Variants in AGO2 observed in about 807,000 individuals in gnomAD.
The protein encoded by AGO2 is argonaute RISC catalytic component 2.
Under a neutral mutation model 102.3 loss-of-function variants are expected in AGO2, and 5 were observed. The observed-to-expected ratio is 0.05, with a 90% CI of 0.03 to 0.10. The LOEUF (loss-of-function observed/expected upper bound fraction) is 0.10. Ranked by LOEUF, AGO2 falls within the 10% of genes least tolerant of loss-of-function variation. The probability of loss-of-function intolerance (pLI) is 1.00; values close to 1 mark genes in which losing one functional copy is unlikely to be tolerated. For missense variants in AGO2, 541 were observed against 1,183.7 expected (o/e 0.46, Z 7.97); for synonymous variants, 449 against 473.1 (o/e 0.95, Z 0.66).
At chr8:140,639,548 T>C (rs1308787672), upstream of AGO2, among the ~76,000 whole-genome samples, 4 of 145,088 alleles carry the variant, frequency 2.8e-5, no homozygotes, top group African/African-American at 1.0e-4. Flanking sequence ...CTTTGGGAGG[T>C]CAAGGTGAGA....
At chr8:140,612,957 T>TG (rs1039214096) in intron 1 of AGO2, among the ~76,000 whole-genome samples, 6 of 151,978 alleles carry the variant, frequency 3.9e-5, no homozygotes, top group African/African-American at 1.4e-4. Flanking sequence ...CCCAGCACTT[T>TG]GGGAGGCCGA....
chr8:140,544,859 T>C (rs1430126152), intron 13 of AGO2, among the ~76,000 whole-genome samples: 1 of 152,082 alleles, frequency 6.6e-6, no homozygotes, highest in Non-Finnish European at 1.5e-5. Flanking sequence ...AGACCCTGAG[T>C]ATATCCCAGT....
At position 140,549,124 on chromosome 8, in the gene AGO2, C is replaced by T. The variant is rs754262667; in HGVS notation, c.1578G>A (p.Thr526=). 6.2e-6 allele frequency: 10 copies of T among 1,608,300 alleles called. No homozygotes were observed. Among genetic ancestry groups the T allele is most frequent in the South Asian group, 1.1e-5 (1 of 90,744 alleles). ...AGCGCCCACACCTACCGTACACGGG[C>T]GTCTTGCCGGGCAGGATGACCACCA... ...QLVVVILPGK[T]PVYAEVKRVG... The change falls in exon 12 of 19, where the codon ACG becomes ACA. Residue 526 remains threonine (T), a synonymous_variant. Transcript: ENST00000220592.
At chr8:140,614,557 C>T (rs2074118213) in intron 1 of AGO2, among the ~76,000 whole-genome samples, 1 of 152,216 alleles carries the variant, frequency 6.6e-6, no homozygotes, top group African/African-American at 2.4e-5. Context: ...GCAAGCTACT[C>T]TCCTCATGTC....
At chr8:140,612,163 C>A (rs2074086464) in intron 1 of AGO2, among the ~76,000 whole-genome samples, 2 of 130,610 alleles carry the variant, frequency 1.5e-5, no homozygotes, top group South Asian at 5.1e-4. Flanking sequence ...GCGGAGGTTG[C>A]AGTGAGCTGA....
intron 1 of AGO2, among the ~76,000 whole-genome samples, chr8:140,610,028 TAAAAAAAAA>T (rs55637374): frequency 0.29 from 36,966 of 126,338 alleles, 5,259 homozygotes; most frequent in Admixed American, 0.4. Context: ...ACCTTGACTC[TAAAAAAAAA>T]AAAAAAAAAA....
intron 2 of AGO2, among the ~76,000 whole-genome samples, chr8:140,577,533 A>C (rs2073485824): frequency 6.6e-6 from 1 of 152,184 alleles, no homozygotes; most frequent in Non-Finnish European, 1.5e-5. Context: ...ATTTGATAGG[A>C]TTTAACAAAC....
At chr8:140,590,188 G>C (rs979358921) in intron 1 of AGO2, among the ~76,000 whole-genome samples, 1 of 152,206 alleles carries the variant, frequency 6.6e-6, no homozygotes, top group Non-Finnish European at 1.5e-5. Flanking sequence ...GCTGTGCAGG[G>C]ATGGCTGGAG....
chr8:140,544,564 G>A (rs2072862264), intron 13 of AGO2, among the ~76,000 whole-genome samples: 2 of 102,362 alleles, frequency 2.0e-5, no homozygotes, highest in South Asian at 3.1e-4. Flanking sequence ...GACAGCTGTT[G>A]AGGCTGGGGC....
chr8:140,638,647 T>A (rs2074424602), upstream of AGO2, among the ~76,000 whole-genome samples: 1 of 152,206 alleles, frequency 6.6e-6, no homozygotes, highest in Non-Finnish European at 1.5e-5. Context: ...AAAACACAGC[T>A]CATTGCAGCC....
intron 1 of AGO2, among the ~76,000 whole-genome samples, chr8:140,587,767 G>T (rs1327566297): frequency 2.0e-5 from 3 of 152,226 alleles, no homozygotes; most frequent in Admixed American, 6.5e-5. Context: ...GACACGGATG[G>T]TTCCAAAAGG....
intron 2 of AGO2, 63 bp from the exon 3 acceptor site, chr8:140,572,995 A>AT: frequency 6.5e-7 from 1 of 1,533,784 alleles, no homozygotes; most frequent in African/African-American, 1.5e-5. Flanking sequence ...ATACAAGGAC[A>AT]TTTTTCTGAC....
intron 1 of AGO2, among the ~76,000 whole-genome samples, chr8:140,607,439 C>G (rs1478731510): frequency 7.0e-6 from 1 of 142,420 alleles, no homozygotes; most frequent in African/African-American, 2.6e-5. Context: ...CCGTCTCACC[C>G]CCACCTCTTA....
Position 140,520,233 on chromosome 8 carries a change from C to G in AGO2, c.*11811G>C, listed in dbSNP as rs765606940. On this transcript the variant is annotated 3_prime_UTR_variant, in exon 19 of 19. Coordinates refer to ENST00000220592, the MANE Select transcript of AGO2 (RefSeq NM_012154.5). Reference sequence around the variant, plus strand: ...ACAAAATTGACACCATACAAAATAACTTTATAAAATATCATTCACATCATA... The same window carrying G: ...ACAAAATTGACACCATACAAAATAAGTTTATAAAATATCATTCACATCATA... The G allele has an allele frequency of 1.2e-4, 18 of 152,166 alleles. No individual in the cohort carries two copies. Among genetic ancestry groups the G allele is most frequent in the Non-Finnish European group, 1.9e-4 (13 of 68,022 alleles). 9.4% of individuals were successfully genotyped at this position (152,166 alleles called of 1,614,324 possible).
Position 140,557,724 on chromosome 8 carries a change from C to T in AGO2, c.879-488G>A, listed in dbSNP as rs1001329463. On this transcript the variant is annotated intron_variant, in intron 7 of 18. Transcript: ENST00000220592. The surrounding 1 kb of genome is among the most constrained non-coding windows in gnomAD (Gnocchi z 5.9). ...TGAGTGAGGGGGAGGCCCACAGGCA[C>T]AGGAAGGGTTGGCCTCTGTGTGGGG... is the stretch of plus-strand genomic sequence containing the variant. 6.6e-6 allele frequency among the ~76,000 whole-genome samples: 1 copy of T among 152,218 alleles called. No individual in the cohort carries two copies. Among genetic ancestry groups the T allele is most frequent in the African/African-American group, 2.4e-5 (1 of 41,454 alleles).
At chr8:140,564,447 C>G (rs1370480940) in intron 3 of AGO2, among the ~76,000 whole-genome samples, 4 of 152,326 alleles carry the variant, frequency 2.6e-5, no homozygotes, top group Middle Eastern at 3.4e-3. Flanking sequence ...TGGGTTGGAA[C>G]TACGCAAGCG....
chr8:140,625,452 C>T (rs2074263964), intron 1 of AGO2, among the ~76,000 whole-genome samples: 1 of 152,146 alleles, frequency 6.6e-6, no homozygotes, highest in Admixed American at 6.5e-5. Flanking sequence ...CCAGGCAACT[C>T]GCCCCTCCCC....
At chr8:140,536,268 T>A (rs540094044) in intron 16 of AGO2, among the ~76,000 whole-genome samples, 31 of 152,260 alleles carry the variant, frequency 2.0e-4, no homozygotes, top group Non-Finnish European at 2.6e-4. Flanking sequence ...GTTTTCTAGT[T>A]GTACACATTT....
chr8:140,528,793 GGA>G lies in AGO2; in HGVS notation c.*3249_*3250del, dbSNP rs1433204956. 2.6e-5 allele frequency: 4 copies of G among 152,310 alleles called. No homozygotes were observed. The highest frequency in any genetic ancestry group is 9.6e-5 in the African/African-American group (4 of 41,566). 9.4% of individuals were successfully genotyped at this position (152,310 alleles called of 1,614,324 possible). On this transcript the variant is annotated 3_prime_UTR_variant, in exon 19 of 19. Coordinates refer to ENST00000220592, the MANE Select transcript of AGO2 (RefSeq NM_012154.5). The surrounding 1 kb of genome is among the most constrained non-coding windows in gnomAD (Gnocchi z 4.5). ...TCCAAACCAGGAAAATCTGAGCTTAGGACACACAAAACAACAGGACGGTGGCT... is the reference window on the plus strand; with the variant it reads ...TCCAAACCAGGAAAATCTGAGCTTAGCACACAAAACAACAGGACGGTGGCT...
Sources: gnomAD v4.1 joint callset for allele counts (sites outside exome capture counted in the v4.1 genomes callset) on GRCh38, gnomAD v4.1.1 for gene constraint, Gnocchi (gnomAD v3.1) non-coding constraint, MANE v1.5 for transcripts, NCBI Gene and HGNC (gene_info 2026-07-23, HGNC 2026-07-21) for gene names.